FGFR1OP2: variants seen among roughly 807,000 people sequenced by gnomAD.
FGFR1OP2 encodes the protein FGFR1 oncogene partner 2, also known as fibroblast growth factor receptor 1 oncogene partner 2.
Under a neutral mutation model 35.2 loss-of-function variants are expected in FGFR1OP2, and 17 were observed. The ratio of observed to expected loss-of-function variants is 0.48; its 90% CI spans 0.33 to 0.73. FGFR1OP2 has a LOEUF of 0.73. FGFR1OP2 is among the 30% of genes least tolerant of loss of function. FGFR1OP2 has a pLI of 0.02. For synonymous variants in FGFR1OP2, 105 were observed against 104.6 expected (o/e 1.00, Z -0.03); for missense variants, 251 against 307.3 (o/e 0.82, Z 1.37).
In FGFR1OP2 at chr12:26,950,113, T is replaced by C. The variant is rs1592248998; in HGVS notation, c.-14-4032T>C. ...GCATCCCGCTTATAGTAACGAACTT[T>C]AAGGTATTTCTATGGTATCTACAAT... On this transcript the variant is annotated intron_variant, in intron 1 of 6. Coordinates refer to ENST00000229395, the MANE Select transcript of FGFR1OP2 (RefSeq NM_015633.3). Among the ~76,000 whole-genome samples the C allele has an allele frequency of 2.6e-5, 4 of 152,124 alleles. No individual in the cohort carries two copies. The South Asian group carries it at 8.3e-4, about 32-fold the overall frequency.
In FGFR1OP2 at chr12:26,950,125, A is replaced by G. The variant is rs113283051; in HGVS notation, c.-14-4020A>G. Among the ~76,000 whole-genome samples the G allele has an allele frequency of 7.4e-4, 109 of 147,916 alleles. 1 individual carries two copies. Among genetic ancestry groups the G allele is most frequent in the Admixed American group, 1.1e-3 (16 of 14,726 alleles). ...TAGTAACGAACTTTAAGGTATTTCT[A>G]TGGTATCTACAATATTGTTTCTACC... On this transcript the variant is annotated intron_variant, in intron 1 of 6. Transcript: ENST00000229395.
At chr12:26,941,558 A>G (rs906097250) in intron 1 of FGFR1OP2, among the ~76,000 whole-genome samples, 1 of 152,222 alleles carries the variant, frequency 6.6e-6, no homozygotes, top group Middle Eastern at 3.2e-3. Context: ...TTTTAAATGT[A>G]GTTGATTTTG....
At chr12:26,963,596 A>G (rs1939134357) in intron 6 of FGFR1OP2, 141 bp downstream of exon 6, 4 of 504,214 alleles carry the variant, frequency 7.9e-6, no homozygotes, top group Non-Finnish European at 1.4e-5. Context: ...TGGGCATATT[A>G]TGCAAGACCA....
chr12:26,963,136 C>T (rs1939126554), intron 5 of FGFR1OP2: 4 of 417,630 alleles, frequency 9.6e-6, no homozygotes, highest in African/African-American at 2.0e-5. Flanking sequence ...TATTGTGCTG[C>T]TTATTCTTAA....
chr12:26,960,578 G>A lies in FGFR1OP2; in HGVS notation c.460G>A (p.Glu154Lys). The change falls in exon 5 of 7, where the codon GAA becomes AAA. Residue 154 changes from glutamate to lysine, a missense_variant. By Grantham distance (56) the Glu-to-Lys change is moderately conservative (BLOSUM62 1). Transcript: ENST00000229395. Reference protein sequence around the residue: ...FFLDASRHILEAPQHGLERRH... With the variant: ...FFLDASRHILKAPQHGLERRH... ...CCTTGATGCATCTCGACACATCCTT[G>A]AAGCACCTCAACATGGACTGGAGAG... 2 of 1,613,590 alleles carry A rather than the reference G, an allele frequency of 1.2e-6. No homozygotes were observed. Among genetic ancestry groups the A allele is most frequent in the South Asian group, 2.2e-5 (2 of 91,068 alleles).
intron 5 of FGFR1OP2, 80 bp from the exon 6 acceptor site, chr12:26,963,262 C>A: frequency 1.3e-6 from 1 of 789,536 alleles, no homozygotes; most frequent in Non-Finnish European, 2.1e-6. Context: ...TTAAGTGGTA[C>A]TGCAGATTTT....
At chr12:26,943,993 G>A (rs979044118) in intron 1 of FGFR1OP2, among the ~76,000 whole-genome samples, 2 of 151,798 alleles carry the variant, frequency 1.3e-5, no homozygotes, top group Non-Finnish European at 2.9e-5. Flanking sequence ...GGAATCTCAG[G>A]GTTTGTTTTT....
At chr12:26,943,028 G>C (rs1477572658) in intron 1 of FGFR1OP2, among the ~76,000 whole-genome samples, 1 of 152,032 alleles carries the variant, frequency 6.6e-6, no homozygotes, top group Non-Finnish European at 1.5e-5. Context: ...CCTAACCCCA[G>C]GTCACAAAGA....
chr12:26,941,479 A>G (rs1938733633), intron 1 of FGFR1OP2, among the ~76,000 whole-genome samples: 1 of 152,260 alleles, frequency 6.6e-6, no homozygotes, highest in Admixed American at 6.5e-5. Context: ...GCTAAAAAAA[A>G]TTATGCTTTG....
At chr12:26,953,530 C>A (rs1029223852) in intron 1 of FGFR1OP2, 8 of 151,820 alleles carry the variant, frequency 5.3e-5, no homozygotes, top group African/African-American at 1.9e-4. Context: ...TAAGTCAAAA[C>A]TTTTTTTTGC....
intron 1 of FGFR1OP2, among the ~76,000 whole-genome samples, chr12:26,950,213 GT>G (rs1174799685): frequency 4.7e-4 from 24 of 50,940 alleles, no homozygotes; most frequent in South Asian, 1.1e-3. Flanking sequence ...TGTATTCGTT[GT>G]TTTTTTTTTT....
At chr12:26,943,043 CTCT>C (rs1483230049) in intron 1 of FGFR1OP2, among the ~76,000 whole-genome samples, 1 of 152,132 alleles carries the variant, frequency 6.6e-6, no homozygotes, top group Non-Finnish European at 1.5e-5. Flanking sequence ...CAAAGATTTT[CTCT>C]TATTTTTTTC....
intron 3 of FGFR1OP2, 31 bp from the exon 4 acceptor site, chr12:26,957,570 T>C: frequency 6.3e-7 from 1 of 1,582,270 alleles, no homozygotes; most frequent in South Asian, 1.1e-5. Context: ...TTAACTCAAG[T>C]TGGAATAAAA....
At chr12:26,939,635 A>C (rs762795275) in intron 1 of FGFR1OP2, among the ~76,000 whole-genome samples, 9 of 152,126 alleles carry the variant, frequency 5.9e-5, no homozygotes, top group Non-Finnish European at 8.8e-5. Context: ...AGACTCCCCC[A>C]GGTGACATTG....
chr12:26,950,213 GTTTTTTTTTTTTTTTTTTTT>G (rs1174799685), intron 1 of FGFR1OP2, among the ~76,000 whole-genome samples: 4 of 50,936 alleles, frequency 7.9e-5, no homozygotes, highest in African/African-American at 3.2e-4. Context: ...TGTATTCGTT[GTTTTTTTTTTTTTTTTTTTT>G]TTTTTTGAGA....
chr12:26,945,395 T>A (rs1053542843), intron 1 of FGFR1OP2, among the ~76,000 whole-genome samples: 3 of 152,234 alleles, frequency 2.0e-5, no homozygotes, highest in African/African-American at 7.2e-5. Flanking sequence ...GCCAAAATTT[T>A]TGATATTTTG....
chr12:26,957,835 C>T, intron 4 of FGFR1OP2, 92 bp downstream of exon 4: 3 of 1,054,954 alleles, frequency 2.8e-6, no homozygotes, highest in South Asian at 2.3e-5. Flanking sequence ...TCACAGGTAT[C>T]TAGTAATGGC....
intron 1 of FGFR1OP2, among the ~76,000 whole-genome samples, chr12:26,953,067 C>G (rs1286915285): frequency 2.0e-5 from 3 of 151,840 alleles, no homozygotes; most frequent in Non-Finnish European, 4.4e-5. Context: ...TCGAGACCAT[C>G]CTGGCTAACA....
chr12:26,960,971 TTCATAAGG>T (rs1939097722), intron 5 of FGFR1OP2: 4 of 175,574 alleles, frequency 2.3e-5, no homozygotes, highest in Non-Finnish European at 4.9e-5. Context: ...TTAAACTGAT[TTCATAAGG>T]TCAAAGTATT....
Sources: allele counts gnomAD v4.1 joint callset (sites outside exome capture counted in the v4.1 genomes callset), GRCh38; gene constraint gnomAD v4.1.1; transcripts MANE v1.5; gene names NCBI Gene and HGNC (gene_info 2026-07-23, HGNC 2026-07-21).